Variants in SARM1 observed in about 807,000 individuals in gnomAD.
SARM1 encodes NAD(+) hydrolase SARM1.
Under a neutral mutation model 65.1 loss-of-function variants are expected in SARM1, and 60 were observed. The ratio of observed to expected loss-of-function variants is 0.92; its 90% CI spans 0.75 to 1.14. SARM1 has a LOEUF of 1.14. Among genes scored for constraint, SARM1 ranks in the 50% most tolerant of loss-of-function variants. SARM1 has a pLI of 0.00. For synonymous variants in SARM1, 417 were observed against 465.4 expected (o/e 0.90, Z 1.34); for missense variants, 913 against 1,015.7 (o/e 0.90, Z 1.37).
chr17:28,375,832 A>C (rs11870667), intron 1 of SARM1, among the ~76,000 whole-genome samples: 18,325 of 152,050 alleles, frequency 0.12, 1,317 homozygotes, highest in East Asian at 0.23. Flanking sequence ...TTAAATTAAA[A>C]ATTTTTTAAA....
intron 1 of SARM1, 21 bp from the exon 2 acceptor site, chr17:28,381,182 C>T: frequency 6.4e-7 from 1 of 1,571,058 alleles, no homozygotes; most frequent in Non-Finnish European, 8.6e-7. Flanking sequence ...TCCACTGTCC[C>T]CTTCCACTTT....
Position 28,377,767 on chromosome 17 carries a change from G to A in SARM1, c.471-3436G>A, listed in dbSNP as rs561860958. 3.3e-5 allele frequency among the ~76,000 whole-genome samples: 5 copies of A among 152,154 alleles called. No individual in the cohort carries two copies. In the South Asian group the frequency reaches 6.2e-4, roughly 19 times the overall value. On this transcript the variant is annotated intron_variant, in intron 1 of 8. Transcript: ENST00000585482. ...GGCTGGAGAGCAGTGGTATAACCTCGGCTCACTGCAACCTCTGCCTCCTGG... is the reference window on the plus strand; with the variant it reads ...GGCTGGAGAGCAGTGGTATAACCTCAGCTCACTGCAACCTCTGCCTCCTGG...
At chr17:28,380,617 A>G (rs1484874278) in intron 1 of SARM1, among the ~76,000 whole-genome samples, 2 of 152,250 alleles carry the variant, frequency 1.3e-5, no homozygotes, top group African/African-American at 4.8e-5. Context: ...TGTTGAATGA[A>G]TGAATAGATA....
At chr17:28,380,418 C>A (rs1555585055) in intron 1 of SARM1, among the ~76,000 whole-genome samples, 1 of 152,236 alleles carries the variant, frequency 6.6e-6, no homozygotes, top group African/African-American at 2.4e-5. Context: ...ACATACCCCT[C>A]CTCCAGGCAC....
At position 28,402,401 on chromosome 17, in the gene SARM1, C is replaced by T; in HGVS notation, c.*6115C>T. 1 of 1,253,054 alleles carries T rather than the reference C, an allele frequency of 8.0e-7. No individual in the cohort carries two copies. 77.6% of individuals were successfully genotyped at this position (1,253,054 alleles called of 1,614,324 possible). On this transcript the variant is annotated 3_prime_UTR_variant, in exon 9 of 9. Transcript: ENST00000585482. ...AGGGAAAGGCAGCAGAGCTCCTATCCATACCCCACGTGGGGCTTAGGTTAG... is the reference window on the plus strand; with the variant it reads ...AGGGAAAGGCAGCAGAGCTCCTATCTATACCCCACGTGGGGCTTAGGTTAG...
rs569679076 is a variant in SARM1, at chr17:28,395,621, C to T, written c.1924-284C>T. 30 of 364,938 alleles carry T rather than the reference C, an allele frequency of 8.2e-5. No individual in the cohort carries two copies. The South Asian group carries it at 9.7e-4, about 12-fold the overall frequency. 22.6% of individuals were successfully genotyped at this position (364,938 alleles called of 1,614,324 possible). On this transcript the variant is annotated intron_variant, in intron 7 of 8. Coordinates refer to ENST00000585482, the MANE Select transcript of SARM1 (RefSeq NM_015077.4). Reference sequence around the variant, plus strand: ...ACTATCTAGGCTACCCCCATAGCACCCCCCGGGCCCCCAGTGGGGAATCAT... The same window carrying T: ...ACTATCTAGGCTACCCCCATAGCACTCCCCGGGCCCCCAGTGGGGAATCAT...
At chr17:28,394,254 C>T (rs973788411) in intron 7 of SARM1, among the ~76,000 whole-genome samples, 8 of 151,996 alleles carry the variant, frequency 5.3e-5, no homozygotes, top group Non-Finnish European at 1.0e-4. Context: ...AGAAGACAAG[C>T]GTGGATGAGG....
At chr17:28,377,699 A>T (rs1378377036) in intron 1 of SARM1, among the ~76,000 whole-genome samples, 5 of 151,724 alleles carry the variant, frequency 3.3e-5, no homozygotes, top group African/African-American at 1.2e-4. Context: ...CCTGTGGAGG[A>T]CATCACTTTT....
At chr17:28,374,518 CAG>C (rs1383664255) in intron 1 of SARM1, among the ~76,000 whole-genome samples, 4 of 151,974 alleles carry the variant, frequency 2.6e-5, no homozygotes, top group African/African-American at 9.7e-5. Context: ...GCCTTGGCAA[CAG>C]AGTGAGACTC....
intron 7 of SARM1, among the ~76,000 whole-genome samples, chr17:28,394,242 A>C (rs535870468): frequency 1.9e-4 from 29 of 152,264 alleles, no homozygotes; most frequent in Non-Finnish European, 3.4e-4. Flanking sequence ...AGAGTGAATT[A>C]GAGAAGACAA....
At chr17:28,395,569 T>A in intron 7 of SARM1, 1 of 244,908 alleles carries the variant, frequency 4.1e-6, no homozygotes, top group Non-Finnish European at 8.0e-6. Context: ...TGCCCTGGTC[T>A]CCCTGGTGAC....
At position 28,388,503 on chromosome 17, in the gene SARM1, C is replaced by T; in HGVS notation, c.1887C>T (p.Cys629=). The T allele has an allele frequency of 6.2e-7, 1 of 1,613,832 alleles. No individual in the cohort carries two copies. Among genetic ancestry groups the T allele is most frequent in the Non-Finnish European group, 8.5e-7 (1 of 1,179,892 alleles). ...LVLSPGALDK[C]MQDHDCKDWV... is the part of the protein sequence containing the mutation. ...TATCACCTGGAGCACTGGACAAGTG[C>T]ATGCAAGACCATGACTGCAAGGATT... The change falls in exon 7 of 9, where the codon TGC becomes TGT. Residue 629 remains cysteine, a synonymous_variant. Transcript: ENST00000585482.
Position 28,372,006 on chromosome 17 carries a change from G to A in SARM1, c.-27G>A. The A allele has an allele frequency of 1.4e-6, 2 of 1,445,238 alleles. No homozygotes were observed. The highest frequency in any genetic ancestry group is 1.3e-5 in the South Asian group (1 of 74,278). The allele number at this position is 1,445,238 out of a possible 1,614,324, so 89.5% of individuals were successfully genotyped here. A position where few individuals can be genotyped will look rare whatever the true frequency, so the allele number is the denominator to read the frequency against. On this transcript the variant is annotated 5_prime_UTR_variant, in exon 1 of 9. Transcript: ENST00000585482. This position sits in a 1 kb window ranked among gnomAD's most constrained non-coding sequence, Gnocchi z 5.2. Reference sequence around the variant, plus strand: ...CTCCGCGTGGCCCCGCCTCCAGGCCGGGGATGTCCCCCGCGGCCCCGCGCC... The same window carrying A: ...CTCCGCGTGGCCCCGCCTCCAGGCCAGGGATGTCCCCCGCGGCCCCGCGCC...
intron 7 of SARM1, among the ~76,000 whole-genome samples, chr17:28,391,031 G>C (rs1050614972): frequency 1.3e-5 from 2 of 152,184 alleles, no homozygotes; most frequent in Non-Finnish European, 2.9e-5. Context: ...GATCCACACT[G>C]CATTCTATGG....
chr17:28,381,030 G>A (rs534660917), intron 1 of SARM1, among the ~76,000 whole-genome samples, 173 bp from the exon 2 acceptor site: 1 of 152,280 alleles, frequency 6.6e-6, no homozygotes, highest in South Asian at 2.1e-4. Flanking sequence ...TAGAATCCGA[G>A]AAGTGGGGTC....
intron 2 of SARM1, among the ~76,000 whole-genome samples, chr17:28,382,083 G>A (rs1555585376): frequency 6.6e-6 from 1 of 151,952 alleles, no homozygotes; most frequent in African/African-American, 2.4e-5. Flanking sequence ...CTGCTGTGTG[G>A]AAAGGGGCTT....
intron 7 of SARM1, among the ~76,000 whole-genome samples, chr17:28,393,197 G>A (rs989743525): frequency 2.6e-5 from 4 of 152,220 alleles, no homozygotes; most frequent in East Asian, 1.9e-4. Context: ...GGAATGTTGC[G>A]CTTATTCCAT....
intron 1 of SARM1, among the ~76,000 whole-genome samples, chr17:28,376,419 A>G (rs2067990030): frequency 6.6e-6 from 1 of 150,724 alleles, no homozygotes; most frequent in Non-Finnish European, 1.5e-5. Context: ...AAAAAAAAAA[A>G]AAAAAGAGCC....
At chr17:28,373,935 A>ACAACGTG (rs1555584321) in intron 1 of SARM1, 1 of 152,242 alleles carries the variant, frequency 6.6e-6, no homozygotes, top group East Asian at 1.9e-4. Flanking sequence ...AGGACAGAGC[A>ACAACGTG]CAACGTGCGT....
Sources: gnomAD v4.1 joint callset for allele counts (sites outside exome capture counted in the v4.1 genomes callset) on GRCh38, gnomAD v4.1.1 for gene constraint, Gnocchi (gnomAD v3.1) non-coding constraint, MANE v1.5 for transcripts, NCBI Gene and HGNC (gene_info 2026-07-23, HGNC 2026-07-21) for gene names.